The following PHAF1 variants were observed in gnomAD, a reference collection of about 807,000 sequenced individuals.
The protein encoded by PHAF1 is phagophore assembly factor 1.
A neutral mutation model predicts 63.1 loss-of-function variants in PHAF1; 23 were observed. The observed-to-expected ratio is 0.36, with a 90% confidence interval of 0.26 to 0.52. PHAF1 has a LOEUF of 0.52. PHAF1 is among the 20% of genes least tolerant of loss of function. The pLI is 0.93. For missense variants in PHAF1, 427 were observed against 517.2 expected (o/e 0.83, Z 1.69); for synonymous variants, 167 against 185.0 (o/e 0.90, Z 0.79).
chr16:67,131,243 T>C, intron 3 of PHAF1, 43 bp from the exon 4 acceptor site: 1 of 1,256,740 alleles, frequency 8.0e-7, no homozygotes, highest in Non-Finnish European at 1.1e-6. Context: ...TTTTAGTCTG[T>C]CATCACTTTC....
chr16:67,115,365 A>C (rs1430631802), intron 1 of PHAF1, among the ~76,000 whole-genome samples: 3 of 152,258 alleles, frequency 2.0e-5, no homozygotes, highest in African/African-American at 7.2e-5. Context: ...AAGTGCGAAC[A>C]AGAGGCAGCT....
chr16:67,122,088 T>TG (rs1963003553), intron 2 of PHAF1, among the ~76,000 whole-genome samples: 1 of 151,158 alleles, frequency 6.6e-6, no homozygotes, highest in Non-Finnish European at 1.5e-5. Flanking sequence ...TTTGTAGAGA[T>TG]GGGGTCTCAC....
In PHAF1 at chr16:67,128,870, G is replaced by A. The variant is rs116115995; in HGVS notation, c.232-2416G>A. ...GTTTTCCCATTGATCAGGCAGGGTC[G>A]AAGCACCTATATGTGTTGGACCCGT... On this transcript the variant is annotated intron_variant, in intron 3 of 15. Coordinates refer to ENST00000219139, the MANE Select transcript of PHAF1 (RefSeq NM_025187.5). Among the ~76,000 whole-genome samples, 867 of 152,322 alleles carry A rather than the reference G, an allele frequency of 5.7e-3. 3 individuals carry two copies. Among genetic ancestry groups the A allele is most frequent in the African/African-American group, 0.019 (807 of 41,580 alleles).
rs2145890426 is a variant in PHAF1, at chr16:67,144,373, A to G, written c.959A>G (p.Asn320Ser). The G allele has an allele frequency of 6.3e-7, 1 of 1,595,908 alleles. No homozygotes were observed. Among genetic ancestry groups the G allele is most frequent in the South Asian group, 1.1e-5 (1 of 90,668 alleles). ...HTNYPGHYNF[N>S]IYHRCEFKIP... ...AATTACCCTGGGCATTATAATTTCA[A>G]CATGTGAGTACACCTGTCTGTACCT... The change falls in exon 11 of 16, where the codon AAC becomes AGC. Residue 320 changes from asparagine (N) to serine (S), a missense_variant. Coordinates refer to ENST00000219139, the MANE Select transcript of PHAF1 (RefSeq NM_025187.5).
intron 15 of PHAF1, 52 bp downstream of exon 15, chr16:67,146,402 G>C: frequency 1.3e-6 from 2 of 1,547,488 alleles, no homozygotes; most frequent in South Asian, 2.2e-5. Flanking sequence ...GCTGGTCATG[G>C]CAGGGCCAGG....
chr16:67,110,002 G>C lies in PHAF1; in HGVS notation c.-174G>C. ...GCGGCTGCTGCAGGTGAGGTGAAGT[G>C]AGGTGAGGTGTGGTGTTGGGCCGGT... is the stretch of plus-strand genomic sequence containing the variant. On this transcript the variant is annotated 5_prime_UTR_variant, in exon 1 of 16. Coordinates refer to ENST00000219139, the MANE Select transcript of PHAF1 (RefSeq NM_025187.5). The C allele has an allele frequency of 1.6e-6, 1 of 621,452 alleles. No individual in the cohort carries two copies. The highest frequency in any genetic ancestry group is 2.8e-6 in the Non-Finnish European group (1 of 357,472). The allele number at this position is 621,452 out of a possible 1,614,324, so 38.5% of individuals were successfully genotyped here.
At chr16:67,145,774 C>A in intron 14 of PHAF1, 146 bp downstream of exon 14, 2 of 832,888 alleles carry the variant, frequency 2.4e-6, no homozygotes, top group Non-Finnish European at 3.7e-6. Flanking sequence ...CCACTCTGCA[C>A]ATTAGGACTG....
chr16:67,132,884 C>T lies in PHAF1; in HGVS notation c.423C>T (p.Asp141=), dbSNP rs779655073. The T allele has an allele frequency of 4.3e-6, 7 of 1,612,928 alleles. No homozygotes were observed. Among genetic ancestry groups the T allele is most frequent in the Non-Finnish European group, 5.9e-6 (7 of 1,178,858 alleles). ...FRGLSFSFQL[D]SWTEAPKYEP... is the part of the protein sequence containing the mutation. The stretch of plus-strand genomic sequence containing the variant: ...GACTGTCTTTCTCTTTTCAGTTAGA[C>T]TCATGGACTGAGGCTCCAAAGTATG... The change falls in exon 6 of 16, where the codon GAC becomes GAT. Residue 141 remains aspartate, a synonymous_variant. Transcript: ENST00000219139.
At chr16:67,111,022 G>C (rs1442442299) in intron 1 of PHAF1, among the ~76,000 whole-genome samples, 1 of 152,148 alleles carries the variant, frequency 6.6e-6, no homozygotes, top group East Asian at 1.9e-4. Context: ...ATGTTGACCA[G>C]GCTGGCTGGT....
chr16:67,140,370 C>T, intron 9 of PHAF1, 141 bp from the exon 10 acceptor site: 1 of 849,008 alleles, frequency 1.2e-6, no homozygotes, highest in Non-Finnish European at 1.8e-6. Context: ...CTAGATTGGT[C>T]AGCACCAGCA....
chr16:67,127,787 C>A (rs1963247651), intron 3 of PHAF1, among the ~76,000 whole-genome samples: 1 of 151,344 alleles, frequency 6.6e-6, no homozygotes, highest in African/African-American at 2.4e-5. Context: ...CAGAGCAAGA[C>A]TCCGTCTCAA....
At chr16:67,127,114 C>T (rs375190025) in intron 3 of PHAF1, among the ~76,000 whole-genome samples, 2 of 152,080 alleles carry the variant, frequency 1.3e-5, no homozygotes, top group South Asian at 2.1e-4. Context: ...GTGATCCGCC[C>T]GCCTCGGCCT....
chr16:67,120,186 A>G lies in PHAF1; in HGVS notation c.139A>G (p.Ser47Gly). The change falls in exon 2 of 16, where the codon AGT becomes GGT. Residue 47 changes from serine (S) to glycine (G), a missense_variant. Ser to Gly is a moderately conservative substitution (Grantham distance 56). Transcript: ENST00000219139. ...RIIKNVQVLY[S>G]EQSPLSHDLI... The stretch of plus-strand genomic sequence containing the variant: ...CATCAAAAACGTCCAGGTTCTCTAC[A>G]GTGAACAGGTGAGTGGTGGCTGATT... 6.2e-7 allele frequency: 1 copy of G among 1,613,686 alleles called. No homozygotes were observed. The highest frequency in any genetic ancestry group is 8.5e-7 in the Non-Finnish European group (1 of 1,179,660).
intron 8 of PHAF1, among the ~76,000 whole-genome samples, chr16:67,136,996 AT>A (rs1158966931): frequency 1.3e-5 from 2 of 152,306 alleles, no homozygotes; most frequent in East Asian, 3.9e-4. Flanking sequence ...CTACTAAAAA[AT>A]AGAAAAAATT....
intron 9 of PHAF1, 27 bp from the exon 10 acceptor site, chr16:67,140,484 T>C: frequency 6.7e-7 from 1 of 1,502,534 alleles, no homozygotes; most frequent in Non-Finnish European, 9.3e-7. Flanking sequence ...GGATGGATTT[T>C]AATTTATGGT....
At position 67,147,210 on chromosome 16, in the gene PHAF1, GGGTT is replaced by G; in HGVS notation, c.*80_*83del. The G allele has an allele frequency of 7.3e-7, 1 of 1,375,626 alleles. No individual in the cohort carries two copies. The highest frequency in any genetic ancestry group is 1.2e-5 in the South Asian group (1 of 82,288). 85.2% of individuals were successfully genotyped at this position (1,375,626 alleles called of 1,614,324 possible). A position where few individuals can be genotyped will look rare whatever the true frequency, so the allele number is the denominator to read the frequency against. On this transcript the variant is annotated 3_prime_UTR_variant, in exon 16 of 16. Transcript: ENST00000219139. Reference sequence around the variant, plus strand: ...TCAGTGGGCCTCTGTACCACCCTGTGGGTTTTCTTGGACACCTGGCCAGTGCTGA... The same window carrying G: ...TCAGTGGGCCTCTGTACCACCCTGTGTTCTTGGACACCTGGCCAGTGCTGA...
chr16:67,144,582 A>G (rs1207001635), intron 11 of PHAF1, among the ~76,000 whole-genome samples: 1 of 152,180 alleles, frequency 6.6e-6, no homozygotes, highest in Admixed American at 6.5e-5. Context: ...CATTTTACAA[A>G]TAGGGAAATA....
intron 8 of PHAF1, among the ~76,000 whole-genome samples, chr16:67,137,566 G>T (rs143591215): frequency 6.6e-6 from 1 of 152,030 alleles, no homozygotes; most frequent in Non-Finnish European, 1.5e-5. Flanking sequence ...TGATCCGCCC[G>T]CCTCAACCTC....
intron 14 of PHAF1, 62 bp downstream of exon 14, chr16:67,145,690 G>A: frequency 1.9e-6 from 3 of 1,541,810 alleles, no homozygotes; most frequent in Non-Finnish European, 2.6e-6. Flanking sequence ...AGAAAGCCCA[G>A]GGAAGCCTGG....
Sources: allele counts gnomAD v4.1 joint callset (sites outside exome capture counted in the v4.1 genomes callset), GRCh38; gene constraint gnomAD v4.1.1; transcripts MANE v1.5; gene names NCBI Gene and HGNC (gene_info 2026-07-23, HGNC 2026-07-21).